The following REL variants were observed in gnomAD, a reference collection of about 807,000 sequenced individuals.
REL encodes the protein proto-oncogene c-Rel.
REL carries 15 observed loss-of-function variants against 45.9 expected under a neutral mutation model. That is an observed-to-expected ratio of 0.33 (90% CI 0.22 to 0.50). REL has a LOEUF of 0.50. Among genes scored for constraint, REL ranks in the 20% least tolerant of loss-of-function variants. REL has a pLI of 0.98. For missense variants in REL, 601 were observed against 715.2 expected, an observed-to-expected ratio of 0.84 and a Z score of 1.82; for synonymous variants, 239 against 242.1, an observed-to-expected ratio of 0.99 and a Z score of 0.12.
intron 1 of REL, among the ~76,000 whole-genome samples, chr2:60,883,004 G>C (rs1672983617): frequency 6.6e-6 from 1 of 152,112 alleles, no homozygotes; most frequent in East Asian, 1.9e-4. Context: ...GGGAGAGCCG[G>C]GGCGGGGGGA....
At chr2:60,918,855 A>G (rs1183649280) in intron 7 of REL, among the ~76,000 whole-genome samples, 1 of 152,042 alleles carries the variant, frequency 6.6e-6, no homozygotes, top group South Asian at 2.1e-4. Flanking sequence ...CAGTGGCGCA[A>G]TCTTAGCTCA....
At chr2:60,912,475 C>A (rs1673847218) in intron 4 of REL, among the ~76,000 whole-genome samples, 1 of 152,070 alleles carries the variant, frequency 6.6e-6, no homozygotes, top group Non-Finnish European at 1.5e-5. Flanking sequence ...CTTGAAGTTG[C>A]AATTTCCAAG....
intron 9 of REL, among the ~76,000 whole-genome samples, 195 bp from the exon 10 acceptor site, chr2:60,921,568 T>G (rs1487608418): frequency 7.9e-5 from 12 of 152,222 alleles, no homozygotes; most frequent in Non-Finnish European, 1.6e-4. Flanking sequence ...TAAAATGGTA[T>G]ATACGTTACA....
chr2:60,907,796 T>A (rs1360629687), intron 4 of REL, among the ~76,000 whole-genome samples: 1 of 151,800 alleles, frequency 6.6e-6, no homozygotes, highest in Non-Finnish European at 1.5e-5. Flanking sequence ...GTTCACACCA[T>A]TCTCCTGCCT....
chr2:60,921,578 A>C (rs181548566), intron 9 of REL, among the ~76,000 whole-genome samples, 185 bp from the exon 10 acceptor site: 1 of 152,324 alleles, frequency 6.6e-6, no homozygotes, highest in African/African-American at 2.4e-5. Context: ...TATACGTTAC[A>C]GAATTTCATT....
In REL at chr2:60,916,023, T is replaced by G. The variant is rs35780174; in HGVS notation, c.395-854T>G. Among the ~76,000 whole-genome samples the G allele has an allele frequency of 8.7e-3, 1,327 of 152,326 alleles. 18 individuals are homozygous for G. Among genetic ancestry groups the G allele is most frequent in the African/African-American group, 0.031 (1,275 of 41,562 alleles). On this transcript the variant is annotated intron_variant, in intron 4 of 9. Transcript: ENST00000394479. ...ACACATGTACAATTTTCTAATAGAT[T>G]TCAATTTTTAAAAGCATAGGCTCTA...
At position 60,894,782 on chromosome 2, in the gene REL, G is replaced by A. The variant is rs530653481; in HGVS notation, c.302+237G>A. On this transcript the variant is annotated intron_variant, in intron 3 of 9. Transcript: ENST00000394479. ...ATTTTTATTGTTATTAAAAGTAAAC[G>A]TAAACTTCTTGTATACTGTGATTTC... 6.6e-5 allele frequency among the ~76,000 whole-genome samples: 10 copies of A among 150,608 alleles called. No individual in the cohort carries two copies. The South Asian group carries it at 8.4e-4, about 13-fold the overall frequency.
At chr2:60,894,851 CTTT>C (rs558726227) in intron 3 of REL, among the ~76,000 whole-genome samples, 1 of 106,760 alleles carries the variant, frequency 9.4e-6, no homozygotes, top group Non-Finnish European at 2.0e-5. Context: ...TTCACTCTGT[CTTT>C]TTTTTTTTTT....
chr2:60,893,219 T>G (rs892649740), intron 2 of REL, among the ~76,000 whole-genome samples: 3 of 152,244 alleles, frequency 2.0e-5, no homozygotes, highest in African/African-American at 4.8e-5. Flanking sequence ...CAACAGATCT[T>G]AATTCACTGT....
At chr2:60,888,873 T>C (rs564968911) in intron 1 of REL, among the ~76,000 whole-genome samples, 1 of 152,332 alleles carries the variant, frequency 6.6e-6, no homozygotes, top group Admixed American at 6.5e-5. Flanking sequence ...TAAATAATCC[T>C]TCATTCATCT....
At chr2:60,905,762 A>G (rs779666503) in intron 4 of REL, among the ~76,000 whole-genome samples, 1 of 152,184 alleles carries the variant, frequency 6.6e-6, no homozygotes, top group South Asian at 2.1e-4. Context: ...AAGAGGGCCA[A>G]GCAGGTGACT....
rs909663728 is a variant in REL, at chr2:60,894,426, G to A, written c.183G>A (p.Val61=). 2.2e-5 allele frequency: 35 copies of A among 1,574,130 alleles called. No individual in the cohort carries two copies. The Admixed American group carries it at 5.6e-4, about 25-fold the overall frequency. The change falls in exon 3 of 10, where the codon GTG becomes GTA. Residue 61 remains valine, a synonymous_variant. Coordinates refer to ENST00000394479, the MANE Select transcript of REL (RefSeq NM_001291746.2). ...QIMNYYGKGK[V]RITLVTKNDP... ...TGAACTATTATGGAAAAGGAAAAGT[G>A]AGAATTACATTAGTAACAAAGAATG...
chr2:60,902,526 C>G (rs571202973), intron 4 of REL, among the ~76,000 whole-genome samples: 1 of 110,218 alleles, frequency 9.1e-6, no homozygotes, highest in Non-Finnish European at 2.0e-5. Flanking sequence ...TCAATACTTA[C>G]AAATCTGTTT....
chr2:60,887,951 G>A (rs1176299644), intron 1 of REL, among the ~76,000 whole-genome samples: 1 of 148,834 alleles, frequency 6.7e-6, no homozygotes, highest in African/African-American at 2.5e-5. Flanking sequence ...TTTTTGAGAC[G>A]GAGTCTCACT....
chr2:60,902,867 G>A (rs1355871700), intron 4 of REL, among the ~76,000 whole-genome samples: 2 of 152,122 alleles, frequency 1.3e-5, no homozygotes, highest in Admixed American at 1.3e-4. Context: ...GGGATTACAG[G>A]CATGAGCCAC....
rs1674286140 is a variant in REL, at chr2:60,927,140, G to A, written c.*4605G>A. ...TCTTATTTAAGTGTTTGTCTCTTTCGTCATTGGGACTCCAGCACCCAGCAT... is the reference window on the plus strand; with the variant it reads ...TCTTATTTAAGTGTTTGTCTCTTTCATCATTGGGACTCCAGCACCCAGCAT... On this transcript the variant is annotated 3_prime_UTR_variant, in exon 10 of 10. Transcript: ENST00000394479. 4.4e-6 allele frequency: 1 copy of A among 224,750 alleles called. No homozygotes were observed. Among genetic ancestry groups the A allele is most frequent in the South Asian group, 1.8e-4 (1 of 5,468 alleles). The allele number at this position is 224,750 out of a possible 1,614,324, so 13.9% of individuals were successfully genotyped here.
At chr2:60,912,650 A>G (rs1231958987) in intron 4 of REL, among the ~76,000 whole-genome samples, 1 of 152,136 alleles carries the variant, frequency 6.6e-6, no homozygotes, top group East Asian at 1.9e-4. Context: ...TTTTTGCCCA[A>G]AATCTTTCTT....
chr2:60,896,753 C>T (rs1322865744), intron 3 of REL, among the ~76,000 whole-genome samples: 1 of 152,176 alleles, frequency 6.6e-6, no homozygotes, highest in Admixed American at 6.5e-5. Context: ...AAACAAACTT[C>T]CATTTTACTT....
chr2:60,905,549 A>T (rs191028130), intron 4 of REL, among the ~76,000 whole-genome samples: 4 of 152,344 alleles, frequency 2.6e-5, no homozygotes, highest in Admixed American at 2.6e-4. Context: ...ACATTTTAAA[A>T]AATATTTTTA....
Sources: allele counts gnomAD v4.1 joint callset (sites outside exome capture counted in the v4.1 genomes callset), GRCh38; gene constraint gnomAD v4.1.1; transcripts MANE v1.5; gene names NCBI Gene and HGNC (gene_info 2026-07-23, HGNC 2026-07-21).